Variants in CSE1L observed in about 807,000 individuals in gnomAD.
CSE1L encodes the protein chromosome segregation 1 like, also known as exportin-2.
A neutral mutation model predicts 120.4 loss-of-function variants in CSE1L; 24 were observed. The ratio of observed to expected loss-of-function variants is 0.20; its 90% confidence interval spans 0.14 to 0.28. The LOEUF is 0.28. CSE1L is among the 10% of genes least tolerant of loss of function. The pLI, the probability that CSE1L is intolerant of heterozygous loss-of-function variation, is 1.00. For missense variants in CSE1L, 830 were observed against 1,145.2 expected (o/e 0.72, Z 3.97); for synonymous variants, 402 against 398.3 (o/e 1.01, Z -0.11).
chr20:49,077,049 T>G lies in CSE1L; in HGVS notation c.1405T>G (p.Leu469Val), dbSNP rs201792954. 2.3e-5 allele frequency: 37 copies of G among 1,607,712 alleles called. No individual in the cohort carries two copies. In the East Asian group the frequency reaches 7.2e-4, roughly 31 times the overall value. Residue 469 changes from leucine to valine, a missense_variant, in exon 13 of 25, where the codon TTA becomes GTA. By Grantham distance (32) the Leu-to-Val change is conservative. This residue lies in a region of CSE1L where 543 missense variants were observed against 640.2 expected (regional missense o/e 0.85). Coordinates refer to ENST00000262982, the MANE Select transcript of CSE1L (RefSeq NM_001316.4). ...CTTTGTGAATCACATCCTCCCTGAT[T>G]TAAAATCAGCTAATGGTGAGTTGTG... is the stretch of plus-strand genomic sequence containing the variant. ...EFFVNHILPDLKSANVNEFPV... is the reference protein window; with the variant it reads ...EFFVNHILPDVKSANVNEFPV...
intron 11 of CSE1L, 24 bp from the exon 12 acceptor site, chr20:49,075,294 A>G (rs754709471): frequency 7.0e-6 from 11 of 1,570,850 alleles, no homozygotes; most frequent in Middle Eastern, 1.7e-4. Flanking sequence ...TTTCCCCATA[A>G]TATATTTTCT....
chr20:49,089,934 G>A (rs1320321548), intron 19 of CSE1L, among the ~76,000 whole-genome samples, 188 bp downstream of exon 19: 5 of 151,988 alleles, frequency 3.3e-5, no homozygotes, highest in Admixed American at 6.6e-5. Flanking sequence ...CCTAGGCAAC[G>A]TGGTGAGATC....
chr20:49,080,352 T>A (rs1290181305), intron 14 of CSE1L, among the ~76,000 whole-genome samples: 2 of 151,052 alleles, frequency 1.3e-5, no homozygotes, highest in Admixed American at 1.3e-4. Context: ...TAGCTGGGAC[T>A]ACAGGCGTCA....
intron 14 of CSE1L, among the ~76,000 whole-genome samples, chr20:49,082,981 A>G (rs1600540292): frequency 6.8e-6 from 1 of 148,038 alleles, no homozygotes; most frequent in African/African-American, 2.5e-5. Context: ...CACCGTACCC[A>G]CCTACATCAT....
Position 49,067,173 on chromosome 20 carries a change from T to G in CSE1L, c.477-17T>G, listed in dbSNP as rs1396255761. On this transcript the variant is annotated splice_polypyrimidine_tract_variant and intron_variant, in intron 5 of 24. Coordinates refer to ENST00000262982, the MANE Select transcript of CSE1L (RefSeq NM_001316.4). ...AAAAAAACTTGTAAATTTATCTGTT[T>G]TACCTTAATTTTCTAGATACCGTCA... is the stretch of plus-strand genomic sequence containing the variant. The G allele has an allele frequency of 6.5e-7, 1 of 1,541,852 alleles. No individual in the cohort carries two copies. Among genetic ancestry groups the G allele is most frequent in the African/African-American group, 1.4e-5 (1 of 73,118 alleles).
chr20:49,047,830 A>T (rs936444026), intron 1 of CSE1L, among the ~76,000 whole-genome samples: 9 of 151,788 alleles, frequency 5.9e-5, no homozygotes, highest in East Asian at 3.9e-4. Flanking sequence ...CCTTTCTCCC[A>T]TGGCTCTCCA....
At chr20:49,090,068 T>C (rs2092089175) in intron 19 of CSE1L, among the ~76,000 whole-genome samples, 1 of 152,062 alleles carries the variant, frequency 6.6e-6, no homozygotes, top group Non-Finnish European at 1.5e-5. Flanking sequence ...AAGGCTGCAG[T>C]GAGCCATGAT....
Position 49,075,313 on chromosome 20 carries a change from CATAG to C in CSE1L, c.1133-1_1135del. ...CCCATAATATATTTTCTTTTCATTT[CATAG>C]ATATTGATACTAGACGCAGGGCTGC... On this transcript the variant is annotated splice_acceptor_variant and splice_polypyrimidine_tract_variant and intron_variant, in intron 11 of 24. Transcript: ENST00000262982. LOFTEE classifies it high-confidence loss of function. 6.2e-7 allele frequency: 1 copy of C among 1,607,012 alleles called. No homozygotes were observed. The highest frequency in any genetic ancestry group is 8.5e-7 in the Non-Finnish European group (1 of 1,175,852).
intron 1 of CSE1L, among the ~76,000 whole-genome samples, 155 bp downstream of exon 1, chr20:49,046,578 A>C (rs987589491): frequency 3.9e-5 from 6 of 152,206 alleles, no homozygotes; most frequent in Non-Finnish European, 7.4e-5. Flanking sequence ...TGGTGCGCTC[A>C]GGCAAGGTCT....
intron 3 of CSE1L, 116 bp downstream of exon 3, chr20:49,063,460 G>A: frequency 1.8e-6 from 1 of 544,466 alleles, no homozygotes; most frequent in Non-Finnish European, 2.9e-6. Flanking sequence ...GGAGGCTGAG[G>A]CGGAAGGATC....
At chr20:49,068,690 C>G (rs373968948) in intron 6 of CSE1L, 25 bp from the exon 7 acceptor site, 2 of 1,516,062 alleles carry the variant, frequency 1.3e-6, no homozygotes, top group Non-Finnish European at 1.8e-6. Flanking sequence ...TGCACTAAAA[C>G]CATGTTGCTA....
chr20:49,057,443 C>T (rs928730952), intron 1 of CSE1L, among the ~76,000 whole-genome samples: 3 of 138,126 alleles, frequency 2.2e-5, no homozygotes, highest in Non-Finnish European at 4.7e-5. Context: ...TTTAATTTCT[C>T]GTTGTGGGGC....
intron 1 of CSE1L, among the ~76,000 whole-genome samples, chr20:49,055,854 G>C (rs547378922): frequency 6.7e-6 from 1 of 150,004 alleles, no homozygotes; most frequent in South Asian, 2.2e-4. Context: ...CTACATTTTG[G>C]AGTGTGTTTT....
intron 1 of CSE1L, among the ~76,000 whole-genome samples, chr20:49,053,677 C>A (rs141132098): frequency 2.6e-5 from 4 of 152,016 alleles, no homozygotes; most frequent in Admixed American, 2.6e-4. Flanking sequence ...CATAACTGAT[C>A]CACCATTTCA....
At chr20:49,084,624 ATT>A (rs1216880058) in intron 15 of CSE1L, among the ~76,000 whole-genome samples, 1 of 152,196 alleles carries the variant, frequency 6.6e-6, no homozygotes, top group Non-Finnish European at 1.5e-5. Flanking sequence ...AAGGTCACTT[ATT>A]TCTGAGATAT....
At chr20:49,071,978 A>C (rs1568773849) in intron 8 of CSE1L, among the ~76,000 whole-genome samples, 2 of 151,434 alleles carry the variant, frequency 1.3e-5, no homozygotes. Context: ...AAAAAAAAAA[A>C]AAAAAAACCA....
chr20:49,079,221 A>T (rs910240120), intron 14 of CSE1L, among the ~76,000 whole-genome samples: 13 of 147,422 alleles, frequency 8.8e-5, no homozygotes, highest in South Asian at 4.3e-4. Context: ...TTATTTATTT[A>T]AAAAAAATTT....
chr20:49,090,692 G>T, intron 19 of CSE1L, 50 bp from the exon 20 acceptor site: 2 of 1,394,646 alleles, frequency 1.4e-6, no homozygotes, highest in South Asian at 2.3e-5. Flanking sequence ...TTAACTTTTC[G>T]AATAATTATT....
rs141507805 is a variant in CSE1L at position 49,049,891 on chromosome 20, G to A, written c.-12+3468G>A. ...ACAACACAAAAATTAGCCAGGTGTG[G>A]TGGTGTGTGCCTGTAGTCCCAGCTA... On this transcript the variant is annotated intron_variant, in intron 1 of 24. Coordinates refer to ENST00000262982, the MANE Select transcript of CSE1L (RefSeq NM_001316.4). 9.7e-4 allele frequency among the ~76,000 whole-genome samples: 148 copies of A among 152,278 alleles called. 1 individual carries two copies. The highest frequency in any genetic ancestry group is 3.3e-3 in the African/African-American group (138 of 41,564).
Sources: allele counts gnomAD v4.1 joint callset (sites outside exome capture counted in the v4.1 genomes callset), GRCh38; gene constraint gnomAD v4.1.1; regional missense constraint gnomAD v4.1.1; transcripts MANE v1.5; gene names NCBI Gene and HGNC (gene_info 2026-07-23, HGNC 2026-07-21).